The following PRKN variants were observed in gnomAD, a reference collection of about 807,000 sequenced individuals.
The protein encoded by PRKN is parkin RBR E3 ubiquitin protein ligase, also known as E3 ubiquitin-protein ligase parkin.
Under a neutral mutation model 59.5 loss-of-function variants are expected in PRKN, and 56 were observed. The observed-to-expected ratio is 0.94, with a 90% confidence interval of 0.76 to 1.18. The LOEUF (loss-of-function observed/expected upper bound fraction) is 1.18. Among genes scored for constraint, PRKN ranks in the 50% most tolerant of loss-of-function variants. The pLI is 0.00. For synonymous variants in PRKN, 250 were observed against 222.1 expected (o/e 1.13, Z -1.12); for missense variants, 657 against 596.4 (o/e 1.10, Z -1.06).
intron 5 of PRKN, among the ~76,000 whole-genome samples, chr6:162,045,484 A>C (rs916079365): frequency 5.3e-5 from 8 of 152,228 alleles, no homozygotes; most frequent in African/African-American, 1.7e-4. Flanking sequence ...GGAGTGTTTC[A>C]CCACATGTGG....
chr6:161,726,134 C>T (rs1038478401), intron 7 of PRKN, among the ~76,000 whole-genome samples: 11 of 152,210 alleles, frequency 7.2e-5, no homozygotes, highest in African/African-American at 2.7e-4. Context: ...CTATGAGACA[C>T]TCATTCCTGC....
chr6:161,774,093 C>T (rs1020012315), intron 7 of PRKN, among the ~76,000 whole-genome samples: 24 of 152,068 alleles, frequency 1.6e-4, no homozygotes, highest in African/African-American at 4.3e-4. Context: ...ACAGACAGTG[C>T]CCTGTTGATC....
At chr6:162,451,803 G>A (rs551906240) in intron 1 of PRKN, among the ~76,000 whole-genome samples, 2 of 151,924 alleles carry the variant, frequency 1.3e-5, no homozygotes, top group Admixed American at 6.6e-5. Context: ...ATGAAAGAAT[G>A]GGGCAGAAAA....
At chr6:161,638,408 T>C (rs754587297) in intron 7 of PRKN, among the ~76,000 whole-genome samples, 1 of 152,162 alleles carries the variant, frequency 6.6e-6, no homozygotes, top group Non-Finnish European at 1.5e-5. Context: ...GTGCTAGGAT[T>C]ACAGGTGTGA....
At chr6:162,438,019 T>C (rs9365434) in intron 2 of PRKN, among the ~76,000 whole-genome samples, 84,830 of 152,058 alleles carry the variant, frequency 0.56, 24,732 homozygotes, top group African/African-American at 0.72. Context: ...TCCAGAGTGG[T>C]TCTACCATTT....
At chr6:162,264,853 T>G (rs1408559396) in intron 2 of PRKN, 1 of 152,178 alleles carries the variant, frequency 6.6e-6, no homozygotes, top group African/African-American at 2.4e-5. Context: ...AGAGAATCAC[T>G]ATCTTGAATT....
intron 2 of PRKN, among the ~76,000 whole-genome samples, chr6:162,344,027 A>C (rs1471446106): frequency 6.6e-6 from 1 of 152,166 alleles, no homozygotes; most frequent in Non-Finnish European, 1.5e-5. Context: ...TGCGGAAAAG[A>C]ATTTCTGTGC....
intron 1 of PRKN, among the ~76,000 whole-genome samples, chr6:162,487,062 T>A (rs1792580149): frequency 6.6e-6 from 1 of 151,474 alleles, no homozygotes; most frequent in Non-Finnish European, 1.5e-5. Context: ...AGAGTGAGAC[T>A]CTAGTCTCAA....
At chr6:162,055,789 T>G (rs1777832142) in intron 4 of PRKN, among the ~76,000 whole-genome samples, 1 of 152,102 alleles carries the variant, frequency 6.6e-6, no homozygotes, top group African/African-American at 2.4e-5. Context: ...AAGGCCCATC[T>G]CTGCTTCAGG....
chr6:161,990,491 A>G (rs1202239085), intron 5 of PRKN, among the ~76,000 whole-genome samples: 3 of 152,244 alleles, frequency 2.0e-5, no homozygotes, highest in Admixed American at 2.0e-4. Flanking sequence ...AACACAAATA[A>G]AAGATACGAA....
At chr6:161,831,585 G>A (rs1792500869) in intron 6 of PRKN, among the ~76,000 whole-genome samples, 1 of 152,150 alleles carries the variant, frequency 6.6e-6, no homozygotes, top group Non-Finnish European at 1.5e-5. Flanking sequence ...ACTTGGCGAG[G>A]GAGCACTGGT....
At chr6:162,582,044 A>T (rs1780812298) in intron 1 of PRKN, among the ~76,000 whole-genome samples, 1 of 152,250 alleles carries the variant, frequency 6.6e-6, no homozygotes, top group South Asian at 2.1e-4. Context: ...CCAAATGCAG[A>T]GTGCTAACCA....
Position 161,950,406 on chromosome 6 carries a change from G to A in PRKN, c.734+22896C>T, listed in dbSNP as rs991229787. On this transcript the variant is annotated intron_variant, in intron 6 of 11. Coordinates refer to ENST00000366898, the MANE Select transcript of PRKN (RefSeq NM_004562.3). ...CAAAAAATACAAAAATTAGCCAGGC[G>A]TGGTGGTAAGCACCTGTATCCCAGC... 1.4e-4 allele frequency among the ~76,000 whole-genome samples: 22 copies of A among 152,158 alleles called. 1 individual carries two copies. Among genetic ancestry groups the A allele is most frequent in the Admixed American group, 7.9e-4 (12 of 15,268 alleles).
At chr6:161,974,131 A>G (rs1784586) in intron 5 of PRKN, among the ~76,000 whole-genome samples, 144,424 of 152,264 alleles carry the variant, frequency 0.95, 69,146 homozygotes, top group African/African-American at 0.99. Context: ...GCCGGGCATG[A>G]CGGCACATGA....
intron 3 of PRKN, among the ~76,000 whole-genome samples, chr6:162,242,936 GAATA>G (rs922373365): frequency 2.6e-5 from 4 of 151,746 alleles, no homozygotes; most frequent in African/African-American, 9.7e-5. Context: ...GAAAACAATA[GAATA>G]ATTAGACATG....
chr6:161,596,530 C>A (rs919815316), intron 7 of PRKN, among the ~76,000 whole-genome samples: 5 of 152,056 alleles, frequency 3.3e-5, no homozygotes, highest in African/African-American at 1.2e-4. Context: ...AACTTGTCTC[C>A]CACTTCTCAG....
At chr6:161,770,827 G>A (rs1347536642) in intron 7 of PRKN, among the ~76,000 whole-genome samples, 1 of 143,782 alleles carries the variant, frequency 7.0e-6, no homozygotes, top group East Asian at 2.1e-4. Flanking sequence ...CACCCAATCT[G>A]ACTGGTGTCC....
At chr6:161,606,534 G>C (rs1344536604) in intron 7 of PRKN, among the ~76,000 whole-genome samples, 1 of 152,180 alleles carries the variant, frequency 6.6e-6, no homozygotes, top group Non-Finnish European at 1.5e-5. Flanking sequence ...GTGCAGAAGG[G>C]AAATAAATCT....
chr6:161,692,460 C>T (rs1313836833), intron 7 of PRKN, among the ~76,000 whole-genome samples: 1 of 152,192 alleles, frequency 6.6e-6, no homozygotes, highest in Non-Finnish European at 1.5e-5. Context: ...TCAAAGACAA[C>T]AAGTAGGCAG....
Sources: gnomAD v4.1 joint callset for allele counts (sites outside exome capture counted in the v4.1 genomes callset) on GRCh38, gnomAD v4.1.1 for gene constraint, MANE v1.5 for transcripts, NCBI Gene and HGNC (gene_info 2026-07-23, HGNC 2026-07-21) for gene names.